Variants in CCT5 observed in about 807,000 individuals in gnomAD.
The protein encoded by CCT5 is chaperonin containing TCP1 subunit 5.
CCT5 carries 6 observed loss-of-function variants against 55.0 expected under a neutral mutation model. That is an observed-to-expected ratio of 0.11 (90% CI 0.06 to 0.22). The LOEUF (loss-of-function observed/expected upper bound fraction) is 0.22. Ranked by LOEUF, CCT5 falls within the 10% of genes least tolerant of loss-of-function variation. The pLI is 1.00. For synonymous variants in CCT5, 231 were observed against 243.7 expected (o/e 0.95, Z 0.49); for missense variants, 560 against 694.6 (o/e 0.81, Z 2.18).
chr5:10,260,733 T>C, intron 6 of CCT5, 59 bp from the exon 7 acceptor site: 1 of 1,597,750 alleles, frequency 6.3e-7, no homozygotes, highest in Non-Finnish European at 8.6e-7. Context: ...TTTCAAACAT[T>C]GTAATGAAGA....
chr5:10,253,192 T>C (rs1331392354), intron 1 of CCT5, among the ~76,000 whole-genome samples: 1 of 151,998 alleles, frequency 6.6e-6, no homozygotes, highest in East Asian at 1.9e-4. Context: ...GAGCAGGGCG[T>C]CATGGCGCGT....
chr5:10,262,350 ATAT>A, intron 8 of CCT5, 128 bp from the exon 9 acceptor site: 1 of 985,332 alleles, frequency 1.0e-6, no homozygotes, highest in East Asian at 2.6e-5. Flanking sequence ...AGAAAGATAA[ATAT>A]TATCCGATAG....
intron 3 of CCT5, among the ~76,000 whole-genome samples, chr5:10,255,369 TC>T (rs200121821): frequency 2.6e-5 from 4 of 152,334 alleles, no homozygotes; most frequent in African/African-American, 9.6e-5. Context: ...ACCTTTTTTT[TC>T]TGAAGATTTG....
chr5:10,260,967 A>G lies in CCT5; in HGVS notation c.993+56A>G. On this transcript the variant is annotated intron_variant, in intron 7 of 10. Transcript: ENST00000280326. ...AAGTAGGGGTTCATCTTATGTGTTG[A>G]GGGGTGTTTTGATAGCCCTGCCTTA... is the stretch of plus-strand genomic sequence containing the variant. The G allele has an allele frequency of 5.0e-6, 8 of 1,593,756 alleles. No homozygotes were observed. The South Asian group carries it at 7.7e-5, about 15-fold the overall frequency.
In CCT5 at chr5:10,256,046, T is replaced by C; in HGVS notation, c.423T>C (p.Ala141=). 6.2e-7 allele frequency: 1 copy of C among 1,614,138 alleles called. No homozygotes were observed. The change falls in exon 4 of 11, where the codon GCT becomes GCC. Residue 141 remains alanine (A), a synonymous_variant. Transcript: ENST00000280326. The part of the protein sequence containing the change: ...IRIADGYEQA[A]RVAIEHLDKI... The stretch of plus-strand genomic sequence containing the variant: ...TAGCCGATGGCTATGAGCAGGCTGC[T>C]CGTGTTGCTATTGAACACCTGGACA...
chr5:10,259,756 A>T (rs1263929108), intron 6 of CCT5, among the ~76,000 whole-genome samples: 2 of 152,178 alleles, frequency 1.3e-5, no homozygotes, highest in African/African-American at 4.8e-5. Context: ...GGCCGGTGGG[A>T]CAGTTTTCAT....
At chr5:10,255,644 C>T (rs530094950) in intron 3 of CCT5, among the ~76,000 whole-genome samples, 1 of 151,494 alleles carries the variant, frequency 6.6e-6, no homozygotes, top group African/African-American at 2.4e-5. Context: ...CTGAGTAGAC[C>T]CTGGCCCAGG....
intron 9 of CCT5, 34 bp downstream of exon 9, chr5:10,262,652 A>G (rs762679462): frequency 1.2e-6 from 2 of 1,611,626 alleles, no homozygotes; most frequent in Admixed American, 1.7e-5. Flanking sequence ...TGAAAGATTC[A>G]GGCCTCGCTG....
upstream of CCT5, chr5:10,249,927 AAAAAAAAC>A (rs1228884790): frequency 7.9e-3 from 7,228 of 911,308 alleles, 447 homozygotes; most frequent in East Asian, 0.13. Context: ...AAAAAAAAAA[AAAAAAAAC>A]CGGAAATGGG....
At chr5:10,262,274 C>A in intron 8 of CCT5, 1 of 601,746 alleles carries the variant, frequency 1.7e-6, no homozygotes, top group Non-Finnish European at 3.0e-6. Context: ...ACCGTGTATC[C>A]TAGAATGAGT....
intron 1 of CCT5, among the ~76,000 whole-genome samples, chr5:10,251,141 G>C (rs1253027737): frequency 4.6e-5 from 7 of 152,202 alleles, no homozygotes; most frequent in Non-Finnish European, 7.3e-5. Context: ...CGCATGGCAC[G>C]TTGTAGAATG....
intron 1 of CCT5, chr5:10,250,944 C>A: frequency 1.1e-6 from 1 of 882,884 alleles, no homozygotes; most frequent in Non-Finnish European, 1.4e-6. Context: ...TTTGCCCACC[C>A]TTGAGGAAAA....
At chr5:10,261,452 C>T in intron 7 of CCT5, 108 bp from the exon 8 acceptor site, 1 of 1,010,568 alleles carries the variant, frequency 9.9e-7, no homozygotes, top group Non-Finnish European at 1.6e-6. Context: ...GGCAGCAGTT[C>T]TAGTGAACAA....
chr5:10,263,371 T>A, intron 10 of CCT5, 57 bp downstream of exon 10: 7 of 1,467,478 alleles, frequency 4.8e-6, no homozygotes, highest in Non-Finnish European at 6.6e-6. Flanking sequence ...TTAAACTGAA[T>A]AATCATCCAC....
At chr5:10,250,520 TGAG>T (rs1183169875) in intron 1 of CCT5, 75 bp downstream of exon 1, 19 of 1,585,780 alleles carry the variant, frequency 1.2e-5, no homozygotes, top group South Asian at 3.4e-5. Context: ...CTGCGCGAGT[TGAG>T]GAGCGGCTCT....
In CCT5 at chr5:10,256,074, A is replaced by G. The variant is rs202190887; in HGVS notation, c.451A>G (p.Ile151Val). ...TGTTGCTATTGAACACCTGGACAAG[A>G]TCAGCGATAGCGTCCTTGTTGACAT... ...ARVAIEHLDKISDSVLVDIKD... is the reference protein window; with the variant it reads ...ARVAIEHLDKVSDSVLVDIKD... Residue 151 changes from isoleucine to valine, a missense_variant, in exon 4 of 11, where the codon ATC becomes GTC. This residue lies in a region of CCT5 where 52 missense variants were observed against 35.3 expected (regional missense o/e 1.47). Transcript: ENST00000280326. The G allele has an allele frequency of 1.1e-5, 17 of 1,613,992 alleles. No individual in the cohort carries two copies. Among genetic ancestry groups the G allele is most frequent in the Middle Eastern group, 1.6e-4 (1 of 6,082 alleles).
chr5:10,253,641 C>A (rs1256953540), intron 1 of CCT5, among the ~76,000 whole-genome samples: 1 of 152,196 alleles, frequency 6.6e-6, no homozygotes, highest in African/African-American at 2.4e-5. Flanking sequence ...ACAGGCCCCT[C>A]CTTGTCTGCA....
chr5:10,250,967 G>GA (rs1262500309), intron 1 of CCT5: 1 of 698,294 alleles, frequency 1.4e-6, no homozygotes. Context: ...AGCGAAGAGT[G>GA]AAAAACGGAC....
intron 3 of CCT5, among the ~76,000 whole-genome samples, chr5:10,255,193 T>C (rs1284589081): frequency 6.6e-6 from 1 of 152,174 alleles, no homozygotes; most frequent in East Asian, 1.9e-4. Flanking sequence ...ATATTGCAGA[T>C]GTGTAGGAGA....
Sources: gnomAD v4.1 joint callset for allele counts (sites outside exome capture counted in the v4.1 genomes callset) on GRCh38, gnomAD v4.1.1 for gene constraint, gnomAD v4.1.1 regional missense constraint, MANE v1.5 for transcripts, NCBI Gene and HGNC (gene_info 2026-07-23, HGNC 2026-07-21) for gene names.